The following ITGAM variants were observed in gnomAD, a reference collection of about 807,000 sequenced individuals.
ITGAM encodes integrin subunit alpha M, also known as integrin alpha-M.
Under a neutral mutation model 137.5 loss-of-function variants are expected in ITGAM, and 79 were observed. That is an observed-to-expected ratio of 0.57 (90% confidence interval 0.48 to 0.69). The LOEUF is 0.69. Among genes scored for constraint, ITGAM ranks in the 30% least tolerant of loss-of-function variants. The probability of loss-of-function intolerance (pLI) is 0.00; values close to 1 mark genes in which losing one functional copy is unlikely to be tolerated. For missense variants in ITGAM, 1,343 were observed against 1,483.5 expected, an observed-to-expected ratio of 0.91 and a Z score of 1.56; for synonymous variants, 583 against 592.3, an observed-to-expected ratio of 0.98 and a Z score of 0.23.
At chr16:31,270,147 C>G (rs561553955) in intron 5 of ITGAM, among the ~76,000 whole-genome samples, 1 of 65,460 alleles carries the variant, frequency 1.5e-5, no homozygotes, top group Non-Finnish European at 3.2e-5. Flanking sequence ...GCTTTCCTTT[C>G]CTTTCCTTTC....
Position 31,326,926 on chromosome 16 carries a change from A to G in ITGAM, c.2699A>G (p.Asn900Ser), listed in dbSNP as rs755367569. The change falls in exon 22 of 30, where the codon AAT (asparagine) becomes AGT (serine). Residue 900 changes from asparagine (N) to serine (S), a missense_variant. Transcript: ENST00000544665. ...GGAAACAAACTGCTCCTCAAGGCCAATGTGACCAGGTGCTCTCTGCTACCA... is the reference window on the plus strand; with the variant it reads ...GGAAACAAACTGCTCCTCAAGGCCAGTGTGACCAGGTGCTCTCTGCTACCA... ...SLGNKLLLKA[N>S]VTSENNMPRT... 1.5e-5 allele frequency: 24 copies of G among 1,611,764 alleles called. No homozygotes were observed. The highest frequency in any genetic ancestry group is 4.0e-5 in the African/African-American group (3 of 74,866).
chr16:31,301,422 T>C (rs1473379461), intron 14 of ITGAM, among the ~76,000 whole-genome samples: 1 of 152,236 alleles, frequency 6.6e-6, no homozygotes. Context: ...CATTTGTCTA[T>C]ATGTCTATCT....
intron 29 of ITGAM, 59 bp from the exon 30 acceptor site, chr16:31,331,577 C>A: frequency 2.5e-6 from 2 of 808,396 alleles, no homozygotes; most frequent in Non-Finnish European, 3.7e-6. Flanking sequence ...TCCCCCTGGT[C>A]TGCGGAGCCG....
chr16:31,269,024 G>A (rs973513965), intron 5 of ITGAM, among the ~76,000 whole-genome samples: 7 of 152,078 alleles, frequency 4.6e-5, no homozygotes, highest in South Asian at 4.1e-4. Flanking sequence ...ATTATCACTC[G>A]AATCAGTCTC....
chr16:31,311,670 C>CT (rs1474712474), intron 14 of ITGAM, among the ~76,000 whole-genome samples: 2 of 152,174 alleles, frequency 1.3e-5, no homozygotes, highest in Non-Finnish European at 2.9e-5. Context: ...AATAGGAACA[C>CT]TTTTACACTG....
intron 1 of ITGAM, among the ~76,000 whole-genome samples, 174 bp from the exon 2 acceptor site, chr16:31,261,507 GTTTTTGTTTTT>G (rs2079698858): frequency 6.6e-6 from 1 of 150,876 alleles, no homozygotes; most frequent in South Asian, 2.1e-4. Flanking sequence ...ATTATTATTA[GTTTTTGTTTTT>G]TTTTTGTATT....
Position 31,302,862 on chromosome 16 carries a change from TTCTCTC to T in ITGAM, c.1707+4916_1707+4921del, listed in dbSNP as rs923664621. The stretch of plus-strand genomic sequence containing the variant: ...TTCTTTCTCTTTCTTTCTTCTTTCT[TTCTCTC>T]TCTCTCTTTCCCTCCCTCTTTCTTT... On this transcript the variant is annotated intron_variant, in intron 14 of 29. Coordinates refer to ENST00000544665, the MANE Select transcript of ITGAM (RefSeq NM_000632.4). Among the ~76,000 whole-genome samples, 5 of 151,344 alleles carry T rather than the reference TTCTCTC, an allele frequency of 3.3e-5. No homozygotes were observed. The East Asian group carries it at 9.7e-4, about 29-fold the overall frequency.
At chr16:31,275,938 G>A (rs1369415086) in intron 9 of ITGAM, among the ~76,000 whole-genome samples, 1 of 152,138 alleles carries the variant, frequency 6.6e-6, no homozygotes, top group Non-Finnish European at 1.5e-5. Flanking sequence ...GGAGTATGGG[G>A]GAGTCAAATC....
At chr16:31,301,886 G>T (rs1196438131) in intron 14 of ITGAM, among the ~76,000 whole-genome samples, 2 of 152,022 alleles carry the variant, frequency 1.3e-5, no homozygotes, top group Non-Finnish European at 2.9e-5. Context: ...CTTATTTAAG[G>T]TTTCACTACA....
In ITGAM at chr16:31,326,946, C is replaced by A; in HGVS notation, c.2708+11C>A. On this transcript the variant is annotated intron_variant, in intron 22 of 29. Coordinates refer to ENST00000544665, the MANE Select transcript of ITGAM (RefSeq NM_000632.4). ...GGCCAATGTGACCAGGTGCTCTCTG[C>A]TACCAGGCTTCTGCAGGCAGTTGCC... 1 of 1,604,190 alleles carries A rather than the reference C, an allele frequency of 6.2e-7. No individual in the cohort carries two copies. The highest frequency in any genetic ancestry group is 8.5e-7 in the Non-Finnish European group (1 of 1,170,978).
At chr16:31,295,639 T>TAC (rs1491501320) in intron 12 of ITGAM, among the ~76,000 whole-genome samples, 1 of 150,348 alleles carries the variant, frequency 6.7e-6, no homozygotes, top group African/African-American at 2.4e-5. Flanking sequence ...TATATGTTTT[T>TAC]ATATATATAT....
At chr16:31,300,646 C>T (rs1043902070) in intron 14 of ITGAM, among the ~76,000 whole-genome samples, 1 of 152,216 alleles carries the variant, frequency 6.6e-6, no homozygotes. Context: ...AGCAGCGGCT[C>T]ATGCCTGTAA....
chr16:31,305,361 G>A (rs766510366), intron 14 of ITGAM, among the ~76,000 whole-genome samples: 12 of 152,150 alleles, frequency 7.9e-5, no homozygotes, highest in Non-Finnish European at 1.8e-4. Flanking sequence ...TTTTGGATGA[G>A]CCTTTAGCAT....
chr16:31,330,751 G>A, intron 28 of ITGAM, 146 bp downstream of exon 28: 1 of 635,574 alleles, frequency 1.6e-6, no homozygotes. Context: ...GACGTAAGGA[G>A]AGAGACAGAC....
intron 12 of ITGAM, among the ~76,000 whole-genome samples, chr16:31,282,112 A>G (rs930092794): frequency 4.7e-4 from 72 of 152,070 alleles, no homozygotes; most frequent in African/African-American, 1.6e-3. Context: ...GTTCTTTTAC[A>G]TTTGCTGAGG....
chr16:31,324,817 A>G lies in ITGAM; in HGVS notation c.2289+35A>G, dbSNP rs777612453. On this transcript the variant is annotated intron_variant, in intron 18 of 29. Coordinates refer to ENST00000544665, the MANE Select transcript of ITGAM (RefSeq NM_000632.4). The surrounding 1 kb of genome is among the most constrained non-coding windows in gnomAD (Gnocchi z 4.5). ...GAGTTGGGGTCCTGCAGGGGTGTGGAAGAGACCAGAGACCAAGGTGGTTGA... is the reference window on the plus strand; with the variant it reads ...GAGTTGGGGTCCTGCAGGGGTGTGGGAGAGACCAGAGACCAAGGTGGTTGA... 2.6e-6 allele frequency: 4 copies of G among 1,553,536 alleles called. No individual in the cohort carries two copies. Among genetic ancestry groups the G allele is most frequent in the Admixed American group, 1.9e-5 (1 of 51,308 alleles).
At chr16:31,271,606 G>C (rs1480049658) in intron 6 of ITGAM, among the ~76,000 whole-genome samples, 1 of 152,206 alleles carries the variant, frequency 6.6e-6, no homozygotes, top group African/African-American at 2.4e-5. Flanking sequence ...ACCCGCCTCG[G>C]CTTCCCAAAG....
intron 22 of ITGAM, among the ~76,000 whole-genome samples, chr16:31,327,375 C>A (rs1755145576): frequency 1.3e-5 from 2 of 151,452 alleles, no homozygotes; most frequent in African/African-American, 4.9e-5. Context: ...TTGCTCGAAC[C>A]CAGGAGTTCA....
chr16:31,284,869 T>G (rs745794554), intron 12 of ITGAM, among the ~76,000 whole-genome samples: 6 of 151,902 alleles, frequency 3.9e-5, no homozygotes, highest in Non-Finnish European at 8.8e-5. Flanking sequence ...CTGCCTATAG[T>G]TCTTTAAAAA....
Sources: allele counts gnomAD v4.1 joint callset (sites outside exome capture counted in the v4.1 genomes callset), GRCh38; gene constraint gnomAD v4.1.1; non-coding constraint Gnocchi (gnomAD v3.1); transcripts MANE v1.5; gene names NCBI Gene and HGNC (gene_info 2026-07-23, HGNC 2026-07-21).